The following PVT1 variants were observed in gnomAD, a reference collection of about 807,000 sequenced individuals.
PVT1 encodes the protein Pvt1 oncogene, also known as CXCR4/PVT1 fusion.
intron 2 of PVT1, among the ~76,000 whole-genome samples, chr8:127,873,643 C>T (rs917189991): frequency 6.6e-6 from 1 of 152,068 alleles, no homozygotes; most frequent in Non-Finnish European, 1.5e-5. Flanking sequence ...GAAGGTGAAA[C>T]TTAGGAATGT....
At chr8:127,963,770 G>T (rs1221113401) in intron 3 of PVT1, among the ~76,000 whole-genome samples, 8 of 152,134 alleles carry the variant, frequency 5.3e-5, no homozygotes, top group African/African-American at 1.9e-4. Context: ...GGCCCAGGTG[G>T]GGTTGGAATG....
At chr8:127,843,667 G>C (rs1370725180) in intron 2 of PVT1, among the ~76,000 whole-genome samples, 8 of 151,622 alleles carry the variant, frequency 5.3e-5, no homozygotes, top group Non-Finnish European at 1.2e-4. Context: ...GGAGGGTCTC[G>C]ATCTCCTGAC....
At chr8:127,798,737 G>A (rs865804365) in intron 2 of PVT1, among the ~76,000 whole-genome samples, 4 of 151,252 alleles carry the variant, frequency 2.6e-5, no homozygotes, top group South Asian at 2.1e-4. Context: ...TTAGCCCGGC[G>A]TGGTGGCACA....
rs186026196 is a variant in PVT1 at position 128,080,747 on chromosome 8, A to T, written n.1114+10386A>T. ...AGGTCATCAATTAGTTTTTTCATAG[A>T]TTGTGGCTTTGGTGTTGTATCTAAA... On this transcript the variant is annotated intron_variant and non_coding_transcript_variant, in intron 5 of 10. Transcript: ENST00000651587. Among the ~76,000 whole-genome samples the T allele has an allele frequency of 3.8e-3, 584 of 152,146 alleles. 2 individuals are homozygous for T. Among genetic ancestry groups the T allele is most frequent in the African/African-American group, 0.014 (562 of 41,492 alleles).
intron 2 of PVT1, among the ~76,000 whole-genome samples, chr8:127,805,819 A>T (rs952157501): frequency 1.3e-5 from 2 of 152,140 alleles, no homozygotes; most frequent in African/African-American, 4.8e-5. Flanking sequence ...ATATGAAGGG[A>T]TGGTTATTGT....
intron 4 of PVT1, among the ~76,000 whole-genome samples, chr8:127,995,377 G>A (rs180853805): frequency 3.9e-5 from 6 of 152,250 alleles, no homozygotes; most frequent in Non-Finnish European, 7.4e-5. Flanking sequence ...CACAGCATCC[G>A]GCTCCTGGGA....
intron 3 of PVT1, among the ~76,000 whole-genome samples, chr8:127,905,039 G>A (rs754561788): frequency 1.3e-5 from 2 of 152,212 alleles, no homozygotes; most frequent in African/African-American, 2.4e-5. Flanking sequence ...CAGAGCTCTG[G>A]TCTATCTGCT....
chr8:127,957,609 T>G (rs1310436723), intron 3 of PVT1, among the ~76,000 whole-genome samples: 2 of 151,612 alleles, frequency 1.3e-5, no homozygotes, highest in Non-Finnish European at 2.9e-5. Flanking sequence ...AAAAAAAGTC[T>G]TCTGCAGGCC....
chr8:128,094,926 C>A (rs931530331), intron 5 of PVT1, among the ~76,000 whole-genome samples: 10 of 152,186 alleles, frequency 6.6e-5, no homozygotes, highest in Admixed American at 5.2e-4. Context: ...AAATCCATTG[C>A]GTCTTTTGCG....
intron 2 of PVT1, among the ~76,000 whole-genome samples, chr8:127,834,768 C>T (rs1354792132): frequency 6.6e-6 from 1 of 151,826 alleles, no homozygotes; most frequent in South Asian, 2.1e-4. Context: ...AAAAAGTGGG[C>T]AAAGGATGTG....
chr8:128,045,392 T>C (rs912062994), intron 4 of PVT1, among the ~76,000 whole-genome samples: 2 of 152,236 alleles, frequency 1.3e-5, no homozygotes, highest in Non-Finnish European at 2.9e-5. Flanking sequence ...AGCTGACCTA[T>C]GTCTTCTGGC....
At chr8:127,965,595 G>T (rs1816694810) in intron 3 of PVT1, among the ~76,000 whole-genome samples, 1 of 152,206 alleles carries the variant, frequency 6.6e-6, no homozygotes, top group Non-Finnish European at 1.5e-5. Flanking sequence ...GGTCCTGGGG[G>T]ACCCTTCCTT....
intron 2 of PVT1, among the ~76,000 whole-genome samples, chr8:127,874,630 G>C (rs925579680): frequency 2.0e-5 from 3 of 152,314 alleles, no homozygotes; most frequent in Admixed American, 2.0e-4. Flanking sequence ...CAGTGTCTCT[G>C]ATCTGAAATG....
intron 2 of PVT1, among the ~76,000 whole-genome samples, chr8:127,837,805 A>G (rs529241049): frequency 6.6e-6 from 1 of 152,230 alleles, no homozygotes; most frequent in South Asian, 2.1e-4. Context: ...TTGTGTTGTC[A>G]GGTATGATCA....
intron 2 of PVT1, among the ~76,000 whole-genome samples, chr8:127,810,165 G>A (rs1214284740): frequency 2.6e-5 from 4 of 152,372 alleles, no homozygotes; most frequent in East Asian, 1.9e-4. Flanking sequence ...CCTTTGCTAA[G>A]TTCCTGGCTG....
At chr8:128,026,465 C>T (rs1312236629) in intron 4 of PVT1, among the ~76,000 whole-genome samples, 6 of 152,172 alleles carry the variant, frequency 3.9e-5, no homozygotes, top group Non-Finnish European at 7.3e-5. Context: ...TCCATATTTA[C>T]ACCTGAGGAA....
At chr8:128,083,335 C>T (rs1279675820) in intron 5 of PVT1, among the ~76,000 whole-genome samples, 1 of 152,216 alleles carries the variant, frequency 6.6e-6, no homozygotes, top group Non-Finnish European at 1.5e-5. Context: ...AAAGTAGTCA[C>T]TATTATAGGC....
chr8:127,891,675 G>C (rs1465775130), intron 3 of PVT1, among the ~76,000 whole-genome samples: 1 of 152,196 alleles, frequency 6.6e-6, no homozygotes, highest in Non-Finnish European at 1.5e-5. Flanking sequence ...GTTGGCTGGG[G>C]GTAGCTTTTG....
chr8:127,886,510 A>T (rs1478951775), intron 2 of PVT1, among the ~76,000 whole-genome samples: 1 of 151,796 alleles, frequency 6.6e-6, no homozygotes, highest in African/African-American at 2.4e-5. Context: ...AATTTTTCAA[A>T]TTTTTTTCTG....
Sources: allele counts gnomAD v4.1 joint callset (sites outside exome capture counted in the v4.1 genomes callset), GRCh38; gene constraint gnomAD v4.1.1; transcripts MANE v1.5; gene names NCBI Gene and HGNC (gene_info 2026-07-23, HGNC 2026-07-21).